Variants in INPP5B observed in about 807,000 individuals in gnomAD.
INPP5B encodes type II inositol 1,4,5-trisphosphate 5-phosphatase.
Under a neutral mutation model 118.5 loss-of-function variants are expected in INPP5B, and 90 were observed. That is an observed-to-expected ratio of 0.76 (90% CI 0.64 to 0.90). The LOEUF is 0.90. Ranked by LOEUF, INPP5B falls within the 40% of genes least tolerant of loss-of-function variation. The probability of loss-of-function intolerance (pLI) is 0.00; values close to 1 mark genes in which losing one functional copy is unlikely to be tolerated. For synonymous variants in INPP5B, 385 were observed against 418.9 expected (o/e 0.92, Z 0.99); for missense variants, 984 against 1,125.6 (o/e 0.87, Z 1.80).
chr1:37,915,908 T>C (rs1644845439), intron 7 of INPP5B, among the ~76,000 whole-genome samples: 1 of 152,218 alleles, frequency 6.6e-6, no homozygotes, highest in Non-Finnish European at 1.5e-5. Flanking sequence ...GTCTGCCTCA[T>C]ACAATTGCTG....
At chr1:37,931,863 T>G in intron 7 of INPP5B, 50 bp downstream of exon 7, 1 of 1,612,534 alleles carries the variant, frequency 6.2e-7, no homozygotes. Context: ...CCGCCCCCTG[T>G]GGCCGGGCCT....
At chr1:37,894,062 G>A (rs554394071) in intron 7 of INPP5B, among the ~76,000 whole-genome samples, 6 of 152,284 alleles carry the variant, frequency 3.9e-5, no homozygotes, top group East Asian at 3.9e-4. Flanking sequence ...GCATTCTAAC[G>A]AAATGTTATT....
chr1:37,935,440 G>A (rs567740259), intron 6 of INPP5B, among the ~76,000 whole-genome samples: 76 of 151,142 alleles, frequency 5.0e-4, no homozygotes, highest in African/African-American at 1.6e-3. Flanking sequence ...GATCCGCCCC[G>A]CCTTGGCCTC....
chr1:37,864,481 T>C, intron 22 of INPP5B, 58 bp from the exon 23 acceptor site: 1 of 1,018,838 alleles, frequency 9.8e-7, no homozygotes, highest in South Asian at 1.3e-5. Flanking sequence ...CTCAAGTGCC[T>C]ACTATAGTCC....
At chr1:37,946,174 A>G in intron 2 of INPP5B, 78 bp downstream of exon 2, 1 of 1,354,784 alleles carries the variant, frequency 7.4e-7, no homozygotes, top group Non-Finnish European at 1.0e-6. Flanking sequence ...AGGAGAGGGG[A>G]TAGACACCTC....
rs570296461 is a variant in INPP5B, at chr1:37,915,785, T to C, written c.532+16128A>G. 7.2e-4 allele frequency among the ~76,000 whole-genome samples: 110 copies of C among 152,360 alleles called. 1 individual carries two copies. Among genetic ancestry groups the C allele is most frequent in the Middle Eastern group, 3.4e-3 (1 of 294 alleles). ...TTTCCTATAGTTAGCTATAATAACATGTTTTTTGTGTTTTATATACATACA... is the reference window on the plus strand; with the variant it reads ...TTTCCTATAGTTAGCTATAATAACACGTTTTTTGTGTTTTATATACATACA... On this transcript the variant is annotated intron_variant, in intron 7 of 23. Coordinates refer to ENST00000373024, the MANE Select transcript of INPP5B (RefSeq NM_005540.3).
At chr1:37,905,447 G>T (rs1272645852) in intron 7 of INPP5B, among the ~76,000 whole-genome samples, 1 of 152,168 alleles carries the variant, frequency 6.6e-6, no homozygotes, top group Non-Finnish European at 1.5e-5. Flanking sequence ...ATTGGTATAT[G>T]TTCCAAAATT....
In INPP5B at chr1:37,889,736, G is replaced by A. The variant is rs1643736075; in HGVS notation, c.630-12C>T. The A allele has an allele frequency of 6.3e-7, 1 of 1,599,342 alleles. No individual in the cohort carries two copies. Among genetic ancestry groups the A allele is most frequent in the African/African-American group, 1.3e-5 (1 of 74,436 alleles). ...TGGATTTATTCTGTCTGGAAAAACA[G>A]AAGTATTTTTTTCATATGTGGATGA... On this transcript the variant is annotated splice_polypyrimidine_tract_variant and intron_variant, in intron 8 of 23. Coordinates refer to ENST00000373024, the MANE Select transcript of INPP5B (RefSeq NM_005540.3).
chr1:37,946,183 T>G, intron 2 of INPP5B, 69 bp downstream of exon 2: 1 of 1,453,622 alleles, frequency 6.9e-7, no homozygotes, highest in Non-Finnish European at 9.5e-7. Context: ...GATAGACACC[T>G]CGACACCTTC....
At chr1:37,865,969 GTGC>G in intron 21 of INPP5B, 81 bp from the exon 22 acceptor site, 1 of 1,578,210 alleles carries the variant, frequency 6.3e-7, no homozygotes, top group Admixed American at 1.7e-5. Flanking sequence ...CATGCCAGAA[GTGC>G]TGCCTGCCCT....
At chr1:37,873,260 A>C (rs1278520708) in intron 18 of INPP5B, 95 bp from the exon 19 acceptor site, 2 of 853,894 alleles carry the variant, frequency 2.3e-6, no homozygotes, top group Non-Finnish European at 3.8e-6. Flanking sequence ...ATAAAGGGTT[A>C]GGAAAAGGAA....
intron 16 of INPP5B, among the ~76,000 whole-genome samples, chr1:37,877,265 C>T (rs1009070413): frequency 3.3e-5 from 5 of 150,312 alleles, no homozygotes; most frequent in African/African-American, 7.4e-5. Context: ...TCGCTTGAAC[C>T]CGGGAGGCGG....
chr1:37,875,139 AC>A (rs892596907), intron 17 of INPP5B, among the ~76,000 whole-genome samples: 1 of 152,212 alleles, frequency 6.6e-6, no homozygotes, highest in African/African-American at 2.4e-5. Context: ...CTCAGCTAAC[AC>A]CATCAGCCTC....
At chr1:37,929,750 T>A (rs1329072103) in intron 7 of INPP5B, 1 of 151,206 alleles carries the variant, frequency 6.6e-6, no homozygotes, top group Non-Finnish European at 1.5e-5. Context: ...TTTTTTTTTT[T>A]CGAGATGGAG....
In INPP5B at chr1:37,878,264, G is replaced by A. The variant is rs374124248; in HGVS notation, c.1601C>T (p.Thr534Ile). The A allele has an allele frequency of 1.7e-5, 28 of 1,614,148 alleles. No individual in the cohort carries two copies. The African/African-American group carries it at 3.2e-4, about 18-fold the overall frequency. Residue 534 changes from threonine (T) to isoleucine (I), a missense_variant, in exon 16 of 24, where the codon ACT (threonine) becomes ATT (isoleucine). By Grantham distance (89) the Thr-to-Ile change is moderately conservative. Transcript: ENST00000373024. ...DRILWKGKNI[T>I]QLSYQSHMAL... is the part of the protein sequence containing the mutation. ...CATGTGGCTCTGGTAACTCAGCTGAGTGATGTTCTTCCCTTTCCAGAGAAT... is the reference window on the plus strand; with the variant it reads ...CATGTGGCTCTGGTAACTCAGCTGAATGATGTTCTTCCCTTTCCAGAGAAT...
Position 37,946,346 on chromosome 1 carries a change from G to T in INPP5B, c.-26-12C>A, listed in dbSNP as rs763731019. 6.3e-7 allele frequency: 1 copy of T among 1,595,396 alleles called. No homozygotes were observed. The highest frequency in any genetic ancestry group is 2.2e-5 in the East Asian group (1 of 44,462). ...TGAGCGCACACACCCTGTGGGAGGG[G>T]AGATAGGAGCCCCGCTTTGGTCAAC... On this transcript the variant is annotated splice_polypyrimidine_tract_variant and intron_variant, in intron 1 of 23. Coordinates refer to ENST00000373024, the MANE Select transcript of INPP5B (RefSeq NM_005540.3).
chr1:37,934,965 C>T (rs1361646883), intron 6 of INPP5B, among the ~76,000 whole-genome samples: 2 of 151,134 alleles, frequency 1.3e-5, no homozygotes, highest in Non-Finnish European at 3.0e-5. Flanking sequence ...TTTGGGAGGC[C>T]GAGGCGGGCG....
Position 37,907,176 on chromosome 1 carries a change from T to C in INPP5B, c.533-15722A>G, listed in dbSNP as rs1644530279. 6.6e-6 allele frequency among the ~76,000 whole-genome samples: 1 copy of C among 152,272 alleles called. No homozygotes were observed. The highest frequency in any genetic ancestry group is 1.5e-5 in the Non-Finnish European group (1 of 68,050). On this transcript the variant is annotated intron_variant, in intron 7 of 23. Coordinates refer to ENST00000373024, the MANE Select transcript of INPP5B (RefSeq NM_005540.3). The surrounding 1 kb of genome is among the most constrained non-coding windows in gnomAD (Gnocchi z 4.3). ...AATTTCACTTATTTTGCTTTACCGT[T>C]GTGGAATACATTGCTGTTGTACTCT...
rs1641680388 is a variant in INPP5B, at chr1:37,861,305, G to A, written c.*1010C>T. ...TAGCCTATTTTATCCAGCAGCTTCT[G>A]CCTGCATTCTTGCCATCCAACTCAT... On this transcript the variant is annotated 3_prime_UTR_variant, in exon 24 of 24. Coordinates refer to ENST00000373024, the MANE Select transcript of INPP5B (RefSeq NM_005540.3). The A allele has an allele frequency of 6.6e-6, 1 of 152,280 alleles. No homozygotes were observed. Among genetic ancestry groups the A allele is most frequent in the Non-Finnish European group, 1.5e-5 (1 of 68,072 alleles). The allele number at this position is 152,280 out of a possible 1,614,324, so 9.4% of individuals were successfully genotyped here.
Sources: gnomAD v4.1 joint callset for allele counts (sites outside exome capture counted in the v4.1 genomes callset) on GRCh38, gnomAD v4.1.1 for gene constraint, Gnocchi (gnomAD v3.1) non-coding constraint, MANE v1.5 for transcripts, NCBI Gene and HGNC (gene_info 2026-07-23, HGNC 2026-07-21) for gene names.